Variants in PRELID2 observed in about 807,000 individuals in gnomAD.
The protein encoded by PRELID2 is PRELI domain-containing protein 2.
In PRELID2, 25 loss-of-function variants were observed where a neutral mutation model predicts 28.4. That is an observed-to-expected ratio of 0.88 (90% CI 0.64 to 1.23). The LOEUF (loss-of-function observed/expected upper bound fraction) is 1.23, where lower values mean the gene tolerates loss of function less well. PRELID2 is among the 50% of genes most tolerant of loss of function. The probability of loss-of-function intolerance (pLI) is 0.00; values close to 1 mark genes in which losing one functional copy is unlikely to be tolerated. For synonymous variants in PRELID2, 76 were observed against 71.6 expected (o/e 1.06, Z -0.31); for missense variants, 201 against 214.4 (o/e 0.94, Z 0.39).
chr5:145,423,800 A>C, the PRELID2 span, among the ~76,000 whole-genome samples: 1 of 131,006 alleles, frequency 7.6e-6, no homozygotes, highest in South Asian at 2.5e-4. Flanking sequence ...CCTTTGGAGG[A>C]GGAGAGGCGC....
the PRELID2 span, among the ~76,000 whole-genome samples, chr5:145,453,837 C>G: frequency 6.6e-6 from 1 of 152,180 alleles, no homozygotes; most frequent in East Asian, 1.9e-4. Context: ...TGTATATATG[C>G]CACATTTTCT....
chr5:145,298,156 C>T, the PRELID2 span, among the ~76,000 whole-genome samples: 5 of 152,208 alleles, frequency 3.3e-5, no homozygotes, highest in South Asian at 2.1e-4. Flanking sequence ...GAGCCCGCAT[C>T]GCCCAGTCAA....
intron 1 of PRELID2, among the ~76,000 whole-genome samples, chr5:145,541,860 C>T (rs1262408713): frequency 6.6e-6 from 1 of 150,648 alleles, no homozygotes; most frequent in African/African-American, 2.4e-5. Flanking sequence ...AAACAAAGCC[C>T]CTGAAATGTT....
At chr5:145,315,545 G>GGTGTGTGTGTGTGTGTGT in the PRELID2 span, among the ~76,000 whole-genome samples, 4 of 142,908 alleles carry the variant, frequency 2.8e-5, no homozygotes, top group African/African-American at 7.8e-5. Flanking sequence ...GCTCTTTCAG[G>GGTGTGTGTGTGTGTGTGT]GTGTGTGTGT....
rs559649889 is a variant in PRELID2 at position 145,539,175 on chromosome 5, C to T, written n.71-65860G>A. On this transcript the variant is annotated intron_variant and non_coding_transcript_variant, in intron 1 of 2. Transcript: ENST00000510259. ...AACAATCTGCAGTGTTTATATAACA[C>T]GTGGGGTATGAGGAGTAAACACACC... is the stretch of plus-strand genomic sequence containing the variant. Among the ~76,000 whole-genome samples, 17 of 152,034 alleles carry T rather than the reference C, an allele frequency of 1.1e-4. 1 individual carries two copies. The South Asian group carries it at 2.9e-3, about 26-fold the overall frequency.
At chr5:145,448,120 C>T in the PRELID2 span, among the ~76,000 whole-genome samples, 2 of 151,950 alleles carry the variant, frequency 1.3e-5, no homozygotes, top group Admixed American at 1.3e-4. Context: ...TGTCCACATC[C>T]TCTCCAGCAC....
intron 1 of PRELID2, among the ~76,000 whole-genome samples, chr5:145,683,953 G>C (rs10515557): frequency 0.069 from 10,434 of 152,134 alleles, 551 homozygotes; most frequent in Admixed American, 0.18. Flanking sequence ...GGATATACCA[G>C]GTTTGTAAGC....
chr5:145,596,300 T>A (rs538911751), intron 1 of PRELID2, among the ~76,000 whole-genome samples: 6 of 152,210 alleles, frequency 3.9e-5, no homozygotes, highest in African/African-American at 1.4e-4. Context: ...AGGGAGGTTA[T>A]TAGTGTACAA....
chr5:145,609,104 C>G (rs1243974686), intron 1 of PRELID2, among the ~76,000 whole-genome samples: 1 of 152,202 alleles, frequency 6.6e-6, no homozygotes, highest in East Asian at 1.9e-4. Context: ...TTTTTCAGCT[C>G]TATCAGTTCA....
At chr5:145,355,551 G>T in the PRELID2 span, among the ~76,000 whole-genome samples, 1 of 152,196 alleles carries the variant, frequency 6.6e-6, no homozygotes, top group East Asian at 1.9e-4. Context: ...AGTTTACTGT[G>T]TGAAGACAAA....
chr5:145,749,097 A>G (rs937892487), intron 1 of PRELID2, among the ~76,000 whole-genome samples: 1 of 152,220 alleles, frequency 6.6e-6, no homozygotes, highest in African/African-American at 2.4e-5. Context: ...AGCAAAATCA[A>G]TTGCAACAAA....
At chr5:145,550,328 G>A (rs1752823669) in intron 1 of PRELID2, among the ~76,000 whole-genome samples, 1 of 152,186 alleles carries the variant, frequency 6.6e-6, no homozygotes, top group African/African-American at 2.4e-5. Context: ...GAAAGAAAAT[G>A]AAGTCTGGAG....
chr5:145,737,792 G>A (rs1278347895), intron 1 of PRELID2, among the ~76,000 whole-genome samples: 2 of 152,168 alleles, frequency 1.3e-5, no homozygotes, highest in African/African-American at 4.8e-5. Context: ...GAGGGCAGGG[G>A]GCCAATCCTC....
intron 1 of PRELID2, among the ~76,000 whole-genome samples, chr5:145,727,498 G>GC (rs1209377077): frequency 6.6e-6 from 1 of 152,054 alleles, no homozygotes; most frequent in Admixed American, 6.6e-5. Context: ...CTCTCAACAT[G>GC]CCCCCCTTTT....
chr5:145,720,481 G>C (rs1290018316), intron 1 of PRELID2, among the ~76,000 whole-genome samples: 3 of 151,832 alleles, frequency 2.0e-5, no homozygotes, highest in Non-Finnish European at 2.9e-5. Context: ...AAAAAAATGT[G>C]AACCAAAGAT....
chr5:145,255,879 C>T, the PRELID2 span, among the ~76,000 whole-genome samples: 1 of 150,980 alleles, frequency 6.6e-6, no homozygotes, highest in Non-Finnish European at 1.5e-5. Context: ...GTAAAATATA[C>T]ATAAAACTGG....
intron 1 of PRELID2, among the ~76,000 whole-genome samples, chr5:145,654,483 G>A (rs1402278704): frequency 6.6e-6 from 1 of 152,120 alleles, no homozygotes; most frequent in South Asian, 2.1e-4. Flanking sequence ...GATGAACATT[G>A]ATGCAAAAAT....
At chr5:145,315,545 G>GGTGTGTGTGTGT in the PRELID2 span, among the ~76,000 whole-genome samples, 532 of 142,992 alleles carry the variant, frequency 3.7e-3, 4 homozygotes, top group African/African-American at 9.8e-3. Flanking sequence ...GCTCTTTCAG[G>GGTGTGTGTGTGT]GTGTGTGTGT....
At chr5:145,741,456 T>G (rs1259117504) in intron 1 of PRELID2, among the ~76,000 whole-genome samples, 3 of 67,508 alleles carry the variant, frequency 4.4e-5, no homozygotes, top group Admixed American at 4.6e-4. Flanking sequence ...TATAAATAAT[T>G]TATTTATATA....
Sources: gnomAD v4.1 joint callset for allele counts (sites outside exome capture counted in the v4.1 genomes callset) on GRCh38, gnomAD v4.1.1 for gene constraint, MANE v1.5 for transcripts, NCBI Gene and HGNC (gene_info 2026-07-23, HGNC 2026-07-21) for gene names.